FAT3: variants seen among roughly 807,000 people sequenced by gnomAD.
The protein encoded by FAT3 is protocadherin Fat 3.
FAT3 carries 95 observed loss-of-function variants against 310.2 expected under a neutral mutation model. The ratio of observed to expected loss-of-function variants is 0.31; its 90% CI spans 0.26 to 0.36. The LOEUF (loss-of-function observed/expected upper bound fraction) is 0.36, where lower values mean the gene tolerates loss of function less well. Among genes scored for constraint, FAT3 ranks in the 10% least tolerant of loss-of-function variants. The probability of loss-of-function intolerance (pLI) is 1.00; values close to 1 mark genes in which losing one functional copy is unlikely to be tolerated. For synonymous variants in FAT3, 2,314 were observed against 2,192.9 expected, an observed-to-expected ratio of 1.06 and a Z score of -1.54; for missense variants, 5,408 against 5,715.6, an observed-to-expected ratio of 0.95 and a Z score of 1.74.
intron 3 of FAT3, among the ~76,000 whole-genome samples, chr11:92,643,258 C>T (rs769361963): frequency 3.5e-4 from 54 of 152,186 alleles, no homozygotes; most frequent in Admixed American, 3.9e-4. Flanking sequence ...TTTGGACCTG[C>T]ACCGTCAGAA....
At chr11:92,323,530 G>C (rs998226414) in intron 1 of FAT3, among the ~76,000 whole-genome samples, 1 of 151,752 alleles carries the variant, frequency 6.6e-6, no homozygotes, top group Non-Finnish European at 1.5e-5. Flanking sequence ...TGGGATTATA[G>C]GCATAAGCCA....
At chr11:92,397,426 A>G (rs2134845779) in intron 2 of FAT3, among the ~76,000 whole-genome samples, 1 of 152,222 alleles carries the variant, frequency 6.6e-6, no homozygotes, top group African/African-American at 2.4e-5. Flanking sequence ...CTTTTCCATT[A>G]CTCTGACTTT....
chr11:92,762,169 C>A lies in FAT3; in HGVS notation c.3983C>A (p.Thr1328Lys), dbSNP rs769875225. The A allele has an allele frequency of 6.2e-7, 1 of 1,605,476 alleles. No individual in the cohort carries two copies. Among genetic ancestry groups the A allele is most frequent in the Non-Finnish European group, 8.5e-7 (1 of 1,174,790 alleles). ...QFTAGSYDIL[T>K]IKAVDNGRPQ... ...ACAGCAGGCAGTTATGACATCCTAACGGTAAGATCTTCCAAACTCCAGCAG... is the reference window on the plus strand; with the variant it reads ...ACAGCAGGCAGTTATGACATCCTAAAGGTAAGATCTTCCAAACTCCAGCAG... Residue 1328 changes from threonine (T) to lysine (K), a missense_variant and splice_region_variant, in exon 5 of 28, where the codon ACG becomes AAG. Transcript: ENST00000525166.
At chr11:92,405,167 C>G (rs1950109727) in intron 2 of FAT3, among the ~76,000 whole-genome samples, 1 of 152,080 alleles carries the variant, frequency 6.6e-6, no homozygotes, top group Non-Finnish European at 1.5e-5. Flanking sequence ...TGACCATTTT[C>G]TCCCAAGCAG....
chr11:92,739,245 C>A (rs1381566508), intron 4 of FAT3, among the ~76,000 whole-genome samples: 5 of 152,250 alleles, frequency 3.3e-5, no homozygotes, highest in Admixed American at 2.6e-4. Flanking sequence ...TGCCAAGTAG[C>A]CTTCAGCTGC....
intron 7 of FAT3, among the ~76,000 whole-genome samples, chr11:92,786,785 T>G (rs1565592626): frequency 6.6e-6 from 1 of 152,150 alleles, no homozygotes; most frequent in Non-Finnish European, 1.5e-5. Context: ...AAAAATATTT[T>G]AAAAATGGGC....
intron 3 of FAT3, among the ~76,000 whole-genome samples, chr11:92,623,590 T>C (rs1941188679): frequency 6.6e-6 from 1 of 152,176 alleles, no homozygotes; most frequent in Non-Finnish European, 1.5e-5. Flanking sequence ...TACTAAATGG[T>C]GTGGGTTTTT....
Position 92,800,583 on chromosome 11 carries a change from G to T in FAT3, c.7570G>T (p.Asp2524Tyr). ...AATTCATGTTCGAGCCACAGATGGT[G>T]ATCCAGGGACTTATGGGCAGATCAG... is the stretch of plus-strand genomic sequence containing the variant. The part of the protein sequence containing the change: ...KVIHVRATDG[D>Y]PGTYGQISYA... The change falls in exon 10 of 28, where the codon GAT becomes TAT. Residue 2524 changes from aspartate (D) to tyrosine (Y), a missense_variant. Asp to Tyr is a radical substitution (Grantham distance 160). Around this residue, in one of 5 missense-constraint regions of FAT3, gnomAD observed 4,588 missense variants for 4,809.8 expected, o/e 0.95. Transcript: ENST00000525166. The T allele has an allele frequency of 3.1e-6, 5 of 1,613,776 alleles. No homozygotes were observed. Among genetic ancestry groups the T allele is most frequent in the South Asian group, 1.1e-5 (1 of 91,018 alleles).
intron 2 of FAT3, among the ~76,000 whole-genome samples, chr11:92,495,409 G>C (rs1952724307): frequency 6.6e-6 from 1 of 152,082 alleles, no homozygotes; most frequent in Admixed American, 6.6e-5. Context: ...GTACAATGAA[G>C]TGTTCAACAA....
At chr11:92,289,844 A>C (rs1946649083) in intron 1 of FAT3, among the ~76,000 whole-genome samples, 1 of 152,056 alleles carries the variant, frequency 6.6e-6, no homozygotes, top group Admixed American at 6.5e-5. Flanking sequence ...ACATCAGCTC[A>C]GTAATGTTGA....
intron 13 of FAT3, among the ~76,000 whole-genome samples, chr11:92,810,284 T>C (rs1947633587): frequency 1.3e-5 from 2 of 152,238 alleles, no homozygotes; most frequent in African/African-American, 4.8e-5. Context: ...TTCTCGAGTT[T>C]GAAGAAGAGA....
In FAT3 at chr11:92,355,299, C is replaced by T. The variant is rs572777406; in HGVS notation, c.3187C>T (p.Leu1063=). 2.5e-6 allele frequency: 4 copies of T among 1,613,800 alleles called. No homozygotes were observed. In the African/African-American group the frequency reaches 5.3e-5, roughly 22 times the overall value. The change falls in exon 2 of 28, where the codon CTG becomes TTG. Residue 1063 remains leucine, a synonymous_variant. Coordinates refer to ENST00000525166, the MANE Select transcript of FAT3 (RefSeq NM_001367949.2). ...AAACTCACGCATTGGAACAAGCGTG[C>T]TGCAGGTGACTGCTCGAGATGAAGA... The part of the protein sequence containing the change: ...KENSRIGTSV[L]QVTARDEDSG...
At chr11:92,648,370 TG>T (rs1942240276) in intron 3 of FAT3, among the ~76,000 whole-genome samples, 1 of 152,186 alleles carries the variant, frequency 6.6e-6, no homozygotes, top group Non-Finnish European at 1.5e-5. Flanking sequence ...CTCTTACCTT[TG>T]GGGGTGTGCT....
chr11:92,494,283 T>C (rs767186022), intron 2 of FAT3, among the ~76,000 whole-genome samples: 2 of 151,980 alleles, frequency 1.3e-5, no homozygotes, highest in Non-Finnish European at 1.5e-5. Flanking sequence ...TGAGATTTGG[T>C]TGGGGACACA....
intron 19 of FAT3, among the ~76,000 whole-genome samples, chr11:92,847,454 C>G (rs1948717147): frequency 6.6e-6 from 1 of 152,162 alleles, no homozygotes; most frequent in African/African-American, 2.4e-5. Context: ...CCCAACGATG[C>G]ATTTCACAGA....
At chr11:92,324,936 G>A (rs1205951166) in intron 1 of FAT3, among the ~76,000 whole-genome samples, 3 of 152,202 alleles carry the variant, frequency 2.0e-5, no homozygotes, top group African/African-American at 7.2e-5. Context: ...CTTAACTGAA[G>A]ACTGACACCA....
intron 7 of FAT3, among the ~76,000 whole-genome samples, chr11:92,782,187 G>A (rs1565589529): frequency 6.6e-6 from 1 of 151,980 alleles, no homozygotes; most frequent in Non-Finnish European, 1.5e-5. Flanking sequence ...GCCAGATGTG[G>A]TGGTCACGTG....
At chr11:92,857,122 TTG>T in intron 19 of FAT3, 90 bp from the exon 20 acceptor site, 2 of 1,582,922 alleles carry the variant, frequency 1.3e-6, no homozygotes, top group Non-Finnish European at 8.6e-7. Flanking sequence ...CTTGAGCCAT[TTG>T]TGTGTTCCCT....
chr11:92,256,085 C>G (rs919399797), intron 1 of FAT3, among the ~76,000 whole-genome samples: 13 of 152,090 alleles, frequency 8.5e-5, no homozygotes, highest in Non-Finnish European at 1.8e-4. Context: ...ATATTGAAGT[C>G]TGATAATAGA....
Sources: gnomAD v4.1 joint callset for allele counts (sites outside exome capture counted in the v4.1 genomes callset) on GRCh38, gnomAD v4.1.1 for gene constraint, gnomAD v4.1.1 regional missense constraint, MANE v1.5 for transcripts, NCBI Gene and HGNC (gene_info 2026-07-23, HGNC 2026-07-21) for gene names.